The following DTD1 variants were observed in gnomAD, a reference collection of about 807,000 sequenced individuals.
DTD1 encodes the protein D-tyrosyl-tRNA deacylase 1 homolog.
In DTD1, 13 loss-of-function variants were observed where a neutral mutation model predicts 25.6. The observed-to-expected ratio is 0.51, with a 90% CI of 0.33 to 0.81. DTD1 has a LOEUF of 0.81. DTD1 is among the 30% of genes least tolerant of loss of function. DTD1 has a pLI of 0.02. For synonymous variants in DTD1, 110 were observed against 103.6 expected (o/e 1.06, Z -0.37); for missense variants, 193 against 266.4 (o/e 0.72, Z 1.92).
rs114286562 is a variant in DTD1, at chr20:18,691,333, G to T, written c.478-52767G>T. On this transcript the variant is annotated intron_variant, in intron 4 of 5. Transcript: ENST00000377452. ...CATGTACTTATATGTTCATCACAGT[G>T]CTATTCATTCTAGCAAAGACATGAA... Among the ~76,000 whole-genome samples, 422 of 152,274 alleles carry T rather than the reference G, an allele frequency of 2.8e-3. 1 individual carries two copies. The highest frequency in any genetic ancestry group is 9.2e-3 in the African/African-American group (382 of 41,552).
chr20:18,612,303 G>T (rs2060690552), intron 3 of DTD1, among the ~76,000 whole-genome samples: 1 of 152,014 alleles, frequency 6.6e-6, no homozygotes, highest in African/African-American at 2.4e-5. Context: ...CAAAGTGCTG[G>T]GATTACAGGG....
chr20:18,757,614 G>C (rs2061344524), intron 5 of DTD1, among the ~76,000 whole-genome samples: 1 of 152,212 alleles, frequency 6.6e-6, no homozygotes, highest in South Asian at 2.1e-4. Context: ...GCGTCCCAGG[G>C]ATGAAGCCCA....
intron 4 of DTD1, chr20:18,631,590 G>T: frequency 1.0e-6 from 1 of 985,372 alleles, no homozygotes; most frequent in Non-Finnish European, 1.2e-6. Flanking sequence ...TCTCACCGAG[G>T]GCCCCAGTGA....
chr20:18,622,774 T>C (rs1035614212), intron 3 of DTD1, among the ~76,000 whole-genome samples: 1 of 152,118 alleles, frequency 6.6e-6, no homozygotes, highest in Non-Finnish European at 1.5e-5. Flanking sequence ...TTAAATCACA[T>C]AGGCGTTACT....
intron 4 of DTD1, among the ~76,000 whole-genome samples, chr20:18,678,392 T>C (rs1158477186): frequency 6.6e-6 from 1 of 152,228 alleles, no homozygotes; most frequent in Non-Finnish European, 1.5e-5. Context: ...TTGTTCTTCA[T>C]ATGAGCTTGC....
At chr20:18,624,167 A>G (rs140599693) in intron 3 of DTD1, among the ~76,000 whole-genome samples, 2 of 152,224 alleles carry the variant, frequency 1.3e-5, no homozygotes, top group African/African-American at 4.8e-5. Flanking sequence ...TTCCAAGGCC[A>G]CTGTGCTCCC....
intron 4 of DTD1, among the ~76,000 whole-genome samples, chr20:18,720,274 G>T (rs1325044549): frequency 6.6e-6 from 1 of 152,198 alleles, no homozygotes; most frequent in African/African-American, 2.4e-5. Flanking sequence ...ACTATTGACT[G>T]TTAAGAGAAC....
At chr20:18,599,730 G>A (rs2060625902) in intron 3 of DTD1, among the ~76,000 whole-genome samples, 1 of 152,088 alleles carries the variant, frequency 6.6e-6, no homozygotes, top group South Asian at 2.1e-4. Context: ...GGTATGTAGA[G>A]GTACCTCATT....
chr20:18,748,096 CGGGAGAGG>C (rs2061307496), intron 5 of DTD1, among the ~76,000 whole-genome samples: 1 of 151,928 alleles, frequency 6.6e-6, no homozygotes, highest in Non-Finnish European at 1.5e-5. Context: ...ACTTAATGAA[CGGGAGAGG>C]GAGAAACATA....
chr20:18,633,957 C>A (rs1274238987), intron 4 of DTD1, among the ~76,000 whole-genome samples: 1 of 152,154 alleles, frequency 6.6e-6, no homozygotes, highest in East Asian at 1.9e-4. Context: ...TATGTCCTGG[C>A]AGTGATAAGT....
At chr20:18,673,962 T>G (rs896152322) in intron 4 of DTD1, among the ~76,000 whole-genome samples, 1 of 152,198 alleles carries the variant, frequency 6.6e-6, no homozygotes, top group Non-Finnish European at 1.5e-5. Context: ...TTTTTCTATT[T>G]TGTTACAAAC....
chr20:18,704,307 C>T (rs960562680), intron 4 of DTD1, among the ~76,000 whole-genome samples: 7 of 152,128 alleles, frequency 4.6e-5, no homozygotes, highest in Non-Finnish European at 7.4e-5. Flanking sequence ...GCCAGTAGTT[C>T]GTAGCTTTAC....
chr20:18,723,091 C>T lies in DTD1; in HGVS notation c.478-21009C>T, dbSNP rs147212731. Reference sequence around the variant, plus strand: ...TTAGACCAGAGTTTCTCAGCCTCACCACTCTTGCCATTCTGGGGCAGAACA... The same window carrying T: ...TTAGACCAGAGTTTCTCAGCCTCACTACTCTTGCCATTCTGGGGCAGAACA... On this transcript the variant is annotated intron_variant, in intron 4 of 5. Transcript: ENST00000377452. 6.8e-4 allele frequency among the ~76,000 whole-genome samples: 104 copies of T among 152,306 alleles called. 3 individuals carry two copies. The East Asian group carries it at 0.017, about 24-fold the overall frequency.
chr20:18,675,997 A>G (rs912589354), intron 4 of DTD1, among the ~76,000 whole-genome samples: 14 of 152,086 alleles, frequency 9.2e-5, no homozygotes, highest in Non-Finnish European at 1.9e-4. Context: ...CTCAATTTTG[A>G]TGGCAGCCTA....
In DTD1 at chr20:18,677,546, C is replaced by T. The variant is rs149988634; in HGVS notation, c.477+49313C>T. On this transcript the variant is annotated intron_variant, in intron 4 of 5. Transcript: ENST00000377452. ...CAGAACGCTTTGCTCTGATGTTGGA[C>T]GTGGTGGAAATCTGCTCCCAGGGAA... Among the ~76,000 whole-genome samples the T allele has an allele frequency of 3.5e-3, 527 of 152,248 alleles. 1 individual carries two copies. Among genetic ancestry groups the T allele is most frequent in the African/African-American group, 0.012 (484 of 41,546 alleles).
intron 1 of DTD1, chr20:18,589,018 C>T: frequency 4.7e-6 from 2 of 426,210 alleles, no homozygotes; most frequent in Non-Finnish European, 6.3e-6. Flanking sequence ...AGCCAGTCTG[C>T]ACCAAATATG....
intron 4 of DTD1, among the ~76,000 whole-genome samples, chr20:18,700,605 T>C (rs1483674005): frequency 6.6e-6 from 1 of 152,130 alleles, no homozygotes; most frequent in East Asian, 1.9e-4. Flanking sequence ...GAGATCTTAG[T>C]GTACCCGTCA....
At chr20:18,742,066 T>A (rs188636563) in intron 4 of DTD1, among the ~76,000 whole-genome samples, 132 of 152,200 alleles carry the variant, frequency 8.7e-4, no homozygotes, top group Non-Finnish European at 1.6e-3. Flanking sequence ...TATATGTAGA[T>A]CTACTGTACA....
intron 4 of DTD1, among the ~76,000 whole-genome samples, chr20:18,699,008 C>T (rs1238989505): frequency 1.3e-5 from 2 of 152,120 alleles, no homozygotes; most frequent in Non-Finnish European, 1.5e-5. Context: ...TTGGTGTTTC[C>T]TATGTCCTCT....
Sources: allele counts gnomAD v4.1 joint callset (sites outside exome capture counted in the v4.1 genomes callset), GRCh38; gene constraint gnomAD v4.1.1; transcripts MANE v1.5; gene names NCBI Gene and HGNC (gene_info 2026-07-23, HGNC 2026-07-21).